The following KREMEN1 variants were observed in gnomAD, a reference collection of about 807,000 sequenced individuals.
KREMEN1 encodes kringle containing transmembrane protein 1.
In KREMEN1, 30 loss-of-function variants were observed where a neutral mutation model predicts 46.5. The observed-to-expected ratio is 0.65, with a 90% CI of 0.48 to 0.88. The LOEUF is 0.88. Ranked by LOEUF, KREMEN1 falls within the 40% of genes least tolerant of loss-of-function variation. The pLI is 0.00. For synonymous variants in KREMEN1, 214 were observed against 230.6 expected (o/e 0.93, Z 0.65); for missense variants, 533 against 596.9 (o/e 0.89, Z 1.11).
At chr22:29,112,715 T>G (rs1047411906) in intron 3 of KREMEN1, among the ~76,000 whole-genome samples, 7 of 152,206 alleles carry the variant, frequency 4.6e-5, no homozygotes, top group Non-Finnish European at 7.3e-5. Context: ...GAAGCCTCTT[T>G]GGTAAGAGGA....
chr22:29,114,759 C>T (rs2038211104), intron 3 of KREMEN1, among the ~76,000 whole-genome samples: 1 of 152,138 alleles, frequency 6.6e-6, no homozygotes, highest in Non-Finnish European at 1.5e-5. Flanking sequence ...GATACTAGAA[C>T]ATAAAAAAGC....
rs1361753146 is a variant in KREMEN1, at chr22:29,073,752, GC to G, written c.97+530del. 6.8e-6 allele frequency among the ~76,000 whole-genome samples: 1 copy of G among 147,176 alleles called. No individual in the cohort carries two copies. The highest frequency in any genetic ancestry group is 2.5e-5 in the African/African-American group (1 of 39,506). On this transcript the variant is annotated intron_variant, in intron 1 of 8. Transcript: ENST00000400335. The surrounding 1 kb of genome is among the most constrained non-coding windows in gnomAD (Gnocchi z 4.4). ...CCAGCGACTCCCCACGGGCCAGGAG[GC>G]CCCCTGCTCCCCGGTACCTCCTGGG... is the stretch of plus-strand genomic sequence containing the variant.
intron 3 of KREMEN1, among the ~76,000 whole-genome samples, chr22:29,104,397 C>T (rs899455676): frequency 1.3e-5 from 2 of 152,128 alleles, no homozygotes; most frequent in African/African-American, 2.4e-5. Context: ...GCTCAGCAAT[C>T]CTCCTGCCTT....
intron 4 of KREMEN1, among the ~76,000 whole-genome samples, chr22:29,124,593 A>G (rs1287296665): frequency 6.6e-6 from 1 of 152,030 alleles, no homozygotes; most frequent in Non-Finnish European, 1.5e-5. Flanking sequence ...CCAGGGTTCA[A>G]GCAAATCTCC....
intron 5 of KREMEN1, among the ~76,000 whole-genome samples, chr22:29,131,865 CTTTTTTTT>C (rs71196633): frequency 8.7e-5 from 4 of 45,830 alleles, no homozygotes; most frequent in East Asian, 5.8e-4. Flanking sequence ...TAGAATAATG[CTTTTTTTT>C]TTTTTTTTTT....
intron 2 of KREMEN1, among the ~76,000 whole-genome samples, chr22:29,095,526 T>C (rs16987051): frequency 6.6e-6 from 1 of 152,184 alleles, no homozygotes; most frequent in African/African-American, 2.4e-5. Context: ...TTATTATTAG[T>C]ACAGGTGCAA....
At chr22:29,133,265 A>AG (rs2038595209) in intron 5 of KREMEN1, among the ~76,000 whole-genome samples, 1 of 151,592 alleles carries the variant, frequency 6.6e-6, no homozygotes, top group African/African-American at 2.4e-5. Flanking sequence ...AAAAAAAGAA[A>AG]AAAGAAAAAA....
At position 29,143,230 on chromosome 22, in the gene KREMEN1, A is replaced by G. The variant is rs941319107; in HGVS notation, c.*1118A>G. ...AATTCTCCTGCAAGCTTTTATGGGC[A>G]CTCAGTAAGTACTCAGGATTGGCTT... On this transcript the variant is annotated 3_prime_UTR_variant, in exon 9 of 9. Transcript: ENST00000400335. 1.9e-4 allele frequency: 186 copies of G among 985,316 alleles called. No individual in the cohort carries two copies. The highest frequency in any genetic ancestry group is 2.1e-4 in the Non-Finnish European group (176 of 829,946). 61.0% of individuals were successfully genotyped at this position (985,316 alleles called of 1,614,324 possible).
At position 29,094,426 on chromosome 22, in the gene KREMEN1, A is replaced by G. The variant is rs1298734992; in HGVS notation, c.260+6A>G. 6.2e-7 allele frequency: 1 copy of G among 1,610,908 alleles called. No homozygotes were observed. ...GGTGAGCACAACTATTGCAGGTAAG[A>G]TGGGGCCACTCAGTACTTTAAAAAG... is the stretch of plus-strand genomic sequence containing the variant. On this transcript the variant is annotated splice_donor_region_variant and intron_variant, in intron 2 of 8. Transcript: ENST00000400335.
intron 1 of KREMEN1, among the ~76,000 whole-genome samples, chr22:29,091,784 G>T (rs2145757406): frequency 6.6e-6 from 1 of 152,300 alleles, no homozygotes; most frequent in Non-Finnish European, 1.5e-5. Flanking sequence ...GTGATAGTAA[G>T]TGTTGTGAAG....
At chr22:29,131,548 ATATATATATATATGTGTGTGTG>A (rs1187042969) in intron 5 of KREMEN1, among the ~76,000 whole-genome samples, 10 of 58,802 alleles carry the variant, frequency 1.7e-4, no homozygotes, top group Middle Eastern at 7.1e-3. Flanking sequence ...ATATATATAT[ATATATATATATATGTGTGTGTG>A]TGTGTGTGTG....
intron 7 of KREMEN1, among the ~76,000 whole-genome samples, chr22:29,139,873 G>C (rs17523074): frequency 0.16 from 24,794 of 152,158 alleles, 2,198 homozygotes; most frequent in Non-Finnish European, 0.18. Context: ...TGCGTCATTA[G>C]GCTGTGGTTC....
At position 29,073,285 on chromosome 22, in the gene KREMEN1, A is replaced by G; in HGVS notation, c.97+58A>G. Reference sequence around the variant, plus strand: ...GAGCGGAGCCCACTCGAGGGGCGACAAGGGCCGGCCGGCCTGAGAGCCCCC... The same window carrying G: ...GAGCGGAGCCCACTCGAGGGGCGACGAGGGCCGGCCGGCCTGAGAGCCCCC... On this transcript the variant is annotated intron_variant, in intron 1 of 8. Coordinates refer to ENST00000400335, the MANE Select transcript of KREMEN1 (RefSeq NM_001039570.3). This position sits in a 1 kb window ranked among gnomAD's most constrained non-coding sequence, Gnocchi z 4.4. The G allele has an allele frequency of 2.6e-6, 2 of 762,778 alleles. No homozygotes were observed. Among genetic ancestry groups the G allele is most frequent in the South Asian group, 6.1e-5 (1 of 16,424 alleles). The allele number at this position is 762,778 out of a possible 1,614,324, so 47.3% of individuals were successfully genotyped here. A position where few individuals can be genotyped will look rare whatever the true frequency, so the allele number is the denominator to read the frequency against.
chr22:29,125,531 C>A, intron 5 of KREMEN1, 115 bp downstream of exon 5: 2 of 1,063,224 alleles, frequency 1.9e-6, no homozygotes, highest in Non-Finnish European at 2.7e-6. Flanking sequence ...TGGCAATAGA[C>A]AATACTTGTG....
rs1341847372 is a variant in KREMEN1, at chr22:29,121,511, A to G, written c.477+30A>G. The G allele has an allele frequency of 2.5e-6, 4 of 1,607,248 alleles. No homozygotes were observed. In the Admixed American group the frequency reaches 6.8e-5, roughly 27 times the overall value. ...TGACTCTGTGGCTGTGTAACTATAG[A>G]AAAATATAAAGATGTAAATGCATTT... is the stretch of plus-strand genomic sequence containing the variant. On this transcript the variant is annotated intron_variant, in intron 4 of 8. Transcript: ENST00000400335.
At position 29,137,582 on chromosome 22, in the gene KREMEN1, C is replaced by T. The variant is rs375016838; in HGVS notation, c.872C>T (p.Pro291Leu). The change falls in exon 6 of 9, where the codon CCT becomes CTT. Residue 291 changes from proline to leucine, a missense_variant. Coordinates refer to ENST00000400335, the MANE Select transcript of KREMEN1 (RefSeq NM_001039570.3). ...LARFHGRSRP[P>L]LSFNVSLDFV... The stretch of plus-strand genomic sequence containing the variant: ...CGCTTCCACGGGAGGAGCCGCCCAC[C>T]TCTGTCCTTCAACGTCTCTCTGGAC... 2 of 1,613,702 alleles carry T rather than the reference C, an allele frequency of 1.2e-6. No individual in the cohort carries two copies. The highest frequency in any genetic ancestry group is 2.7e-5 in the African/African-American group (2 of 74,944).
chr22:29,120,716 A>G (rs73393045), intron 3 of KREMEN1, among the ~76,000 whole-genome samples: 1,183 of 104,882 alleles, frequency 0.011, 15 homozygotes, highest in African/African-American at 0.034. Flanking sequence ...AAGGCAAGGA[A>G]TGGATTCTCC....
intron 1 of KREMEN1, among the ~76,000 whole-genome samples, chr22:29,075,777 T>G (rs1346233404): frequency 6.6e-6 from 1 of 152,206 alleles, no homozygotes; most frequent in East Asian, 1.9e-4. Flanking sequence ...TTTATATTTT[T>G]TGATACTGTA....
In KREMEN1 at chr22:29,145,108, G is replaced by C; in HGVS notation, c.*2996G>C. On this transcript the variant is annotated 3_prime_UTR_variant, in exon 9 of 9. Coordinates refer to ENST00000400335, the MANE Select transcript of KREMEN1 (RefSeq NM_001039570.3). The stretch of plus-strand genomic sequence containing the variant: ...CTATGGACTCAGTTAGAACCAGGTA[G>C]AAAGTCAGCGACACCCCACAGAAGG... 1.0e-6 allele frequency: 1 copy of C among 985,916 alleles called. No individual in the cohort carries two copies. The highest frequency in any genetic ancestry group is 1.2e-6 in the Non-Finnish European group (1 of 830,114). 61.1% of individuals were successfully genotyped at this position (985,916 alleles called of 1,614,324 possible). A position where few individuals can be genotyped will look rare whatever the true frequency, so the allele number is the denominator to read the frequency against.
Sources: allele counts gnomAD v4.1 joint callset (sites outside exome capture counted in the v4.1 genomes callset), GRCh38; gene constraint gnomAD v4.1.1; non-coding constraint Gnocchi (gnomAD v3.1); transcripts MANE v1.5; gene names NCBI Gene and HGNC (gene_info 2026-07-23, HGNC 2026-07-21).